Variants in ITPR1 observed in about 807,000 individuals in gnomAD.
ITPR1 encodes the protein inositol 1,4,5-trisphosphate-gated calcium channel ITPR1.
ITPR1 carries 96 observed loss-of-function variants against 318.4 expected under a neutral mutation model. That is an observed-to-expected ratio of 0.30 (90% CI 0.26 to 0.36). The LOEUF is 0.36. ITPR1 is among the 10% of genes least tolerant of loss of function. ITPR1 has a pLI of 1.00. For missense variants in ITPR1, 2,440 were observed against 3,460.2 expected, an observed-to-expected ratio of 0.71 and a Z score of 7.40; for synonymous variants, 1,312 against 1,289.9, an observed-to-expected ratio of 1.02 and a Z score of -0.37.
At chr3:4,609,748 A>G (rs2091964054) in intron 4 of ITPR1, among the ~76,000 whole-genome samples, 1 of 151,978 alleles carries the variant, frequency 6.6e-6, no homozygotes, top group Admixed American at 6.6e-5. Context: ...ATAGAGAGGG[A>G]AGGACCTTGG....
Position 4,735,370 on chromosome 3 carries a change from G to A in ITPR1, c.5544+16G>A, listed in dbSNP as rs2043196435. The A allele has an allele frequency of 6.2e-7, 1 of 1,608,206 alleles. No individual in the cohort carries two copies. The highest frequency in any genetic ancestry group is 8.5e-7 in the Non-Finnish European group (1 of 1,174,968). ...CACCATCCAGGTAGGAAGGCAGCTT[G>A]GCTACTGGTATGGCATCCCTGCTGA... On this transcript the variant is annotated intron_variant, in intron 44 of 61. Coordinates refer to ENST00000649015, the MANE Select transcript of ITPR1 (RefSeq NM_001378452.1).
chr3:4,621,659 A>G (rs1394939563), intron 4 of ITPR1, among the ~76,000 whole-genome samples: 1 of 152,156 alleles, frequency 6.6e-6, no homozygotes, highest in Non-Finnish European at 1.5e-5. Flanking sequence ...CATGGCCTGC[A>G]CTGCCCTGCA....
At chr3:4,701,722 G>A (rs142305224) in intron 35 of ITPR1, among the ~76,000 whole-genome samples, 7 of 152,130 alleles carry the variant, frequency 4.6e-5, no homozygotes, top group Admixed American at 6.5e-5. Context: ...CATGCGTGAC[G>A]GGAAGGTAAT....
At chr3:4,703,754 G>T (rs1399133841) in intron 36 of ITPR1, among the ~76,000 whole-genome samples, 1 of 152,154 alleles carries the variant, frequency 6.6e-6, no homozygotes, top group African/African-American at 2.4e-5. Flanking sequence ...AATCTATTAG[G>T]ACTGTTGCCT....
chr3:4,581,310 A>G (rs908820764), intron 4 of ITPR1, among the ~76,000 whole-genome samples: 1 of 152,164 alleles, frequency 6.6e-6, no homozygotes, highest in African/African-American at 2.4e-5. Context: ...GATGAAACAC[A>G]TCTGCAGTGA....
intron 5 of ITPR1, among the ~76,000 whole-genome samples, chr3:4,635,043 T>C (rs2093139775): frequency 6.6e-6 from 1 of 152,128 alleles, no homozygotes; most frequent in South Asian, 2.1e-4. Context: ...GTACCTGGCC[T>C]CTATCCTCAT....
chr3:4,783,964 A>T, intron 51 of ITPR1, 44 bp downstream of exon 51: 1 of 1,353,494 alleles, frequency 7.4e-7, no homozygotes. Flanking sequence ...TGTTGAGGCC[A>T]TTAGTGTGCA....
chr3:4,774,357 T>C (rs1227805950), intron 46 of ITPR1, among the ~76,000 whole-genome samples: 1 of 152,238 alleles, frequency 6.6e-6, no homozygotes, highest in Non-Finnish European at 1.5e-5. Context: ...ACTTTGTGAG[T>C]AGAAGTGAAT....
At chr3:4,759,639 C>G (rs1027292512) in intron 44 of ITPR1, among the ~76,000 whole-genome samples, 4 of 152,176 alleles carry the variant, frequency 2.6e-5, no homozygotes, top group African/African-American at 9.7e-5. Flanking sequence ...GGAGGGGACC[C>G]TCTTTGCTCT....
chr3:4,828,267 A>G (rs2050210520), intron 60 of ITPR1, among the ~76,000 whole-genome samples: 2 of 152,246 alleles, frequency 1.3e-5, no homozygotes, highest in African/African-American at 4.8e-5. Flanking sequence ...GAATCCAGAA[A>G]AGAATAGAAG....
At chr3:4,607,384 A>G (rs530081169) in intron 4 of ITPR1, among the ~76,000 whole-genome samples, 17 of 152,270 alleles carry the variant, frequency 1.1e-4, no homozygotes, top group African/African-American at 3.4e-4. Context: ...TCACCTGAGT[A>G]CTTGCTTAAA....
At chr3:4,777,933 G>C (rs567282597) in intron 48 of ITPR1, among the ~76,000 whole-genome samples, 2 of 152,224 alleles carry the variant, frequency 1.3e-5, no homozygotes, top group Non-Finnish European at 2.9e-5. Context: ...AAATGTGCCT[G>C]CGGGCCTCTG....
chr3:4,674,450 C>A, intron 22 of ITPR1, 107 bp downstream of exon 22: 1 of 939,764 alleles, frequency 1.1e-6, no homozygotes, highest in Non-Finnish European at 1.5e-6. Flanking sequence ...GGTCATGATG[C>A]TCTGGTTTTG....
intron 60 of ITPR1, among the ~76,000 whole-genome samples, chr3:4,829,980 G>T (rs6801227): frequency 0.38 from 10,181 of 26,890 alleles, 2,222 homozygotes; most frequent in Middle Eastern, 0.5. Flanking sequence ...TTTTTTTTTT[G>T]TGTGTGTGTG....
At chr3:4,752,622 G>A (rs1269041498) in intron 44 of ITPR1, among the ~76,000 whole-genome samples, 4 of 152,214 alleles carry the variant, frequency 2.6e-5, no homozygotes, top group African/African-American at 7.2e-5. Flanking sequence ...TGAGTGTTTC[G>A]GAATTGCACC....
intron 4 of ITPR1, among the ~76,000 whole-genome samples, chr3:4,606,274 A>G (rs2091695966): frequency 6.6e-6 from 1 of 152,152 alleles, no homozygotes. Context: ...GATGGAGGAC[A>G]AAAAAGTCTT....
chr3:4,802,450 C>T (rs370550589), intron 54 of ITPR1, among the ~76,000 whole-genome samples: 212 of 152,110 alleles, frequency 1.4e-3, no homozygotes, highest in Non-Finnish European at 2.2e-3. Flanking sequence ...GGGGCTGTAG[C>T]GACGCTTTGA....
intron 52 of ITPR1, among the ~76,000 whole-genome samples, chr3:4,789,411 C>T (rs917821995): frequency 2.0e-5 from 3 of 152,206 alleles, no homozygotes; most frequent in Non-Finnish European, 4.4e-5. Flanking sequence ...GAAACTTTTG[C>T]AGAGCACCAT....
intron 60 of ITPR1, among the ~76,000 whole-genome samples, chr3:4,822,782 T>C (rs1305625884): frequency 6.6e-6 from 1 of 152,038 alleles, no homozygotes; most frequent in Admixed American, 6.5e-5. Flanking sequence ...CGCCGCTCAT[T>C]CCCCGAGATG....
Sources: gnomAD v4.1 joint callset for allele counts (sites outside exome capture counted in the v4.1 genomes callset) on GRCh38, gnomAD v4.1.1 for gene constraint, MANE v1.5 for transcripts, NCBI Gene and HGNC (gene_info 2026-07-23, HGNC 2026-07-21) for gene names.